Variants in DISP1 observed in about 807,000 individuals in gnomAD.
The protein encoded by DISP1 is dispatched RND transporter family member 1.
DISP1 carries 30 observed loss-of-function variants against 37.3 expected under a neutral mutation model. That is an observed-to-expected ratio of 0.80 (90% confidence interval 0.60 to 1.09). The LOEUF (loss-of-function observed/expected upper bound fraction) is 1.09, where lower values mean the gene tolerates loss of function less well. Among genes scored for constraint, DISP1 ranks in the 50% least tolerant of loss-of-function variants. The pLI, the probability that DISP1 is intolerant of heterozygous loss-of-function variation, is 0.00. For synonymous variants in DISP1, 634 were observed against 690.2 expected, an observed-to-expected ratio of 0.92 and a Z score of 1.28; for missense variants, 1,598 against 1,879.5, an observed-to-expected ratio of 0.85 and a Z score of 2.77.
chr1:222,981,988 A>G (rs1231694709), intron 3 of DISP1, among the ~76,000 whole-genome samples: 4 of 152,218 alleles, frequency 2.6e-5, no homozygotes, highest in African/African-American at 9.6e-5. Flanking sequence ...GATATGTACC[A>G]TATTGGAATC....
At chr1:222,845,736 A>G (rs151330373) in intron 1 of DISP1, among the ~76,000 whole-genome samples, 8 of 152,316 alleles carry the variant, frequency 5.3e-5, no homozygotes, top group Admixed American at 1.3e-4. Flanking sequence ...TCTCAACAAG[A>G]CCATTTAATG....
intron 1 of DISP1, among the ~76,000 whole-genome samples, chr1:222,851,640 T>C (rs1668240627): frequency 6.6e-6 from 1 of 152,238 alleles, no homozygotes. Context: ...CATCACTGTG[T>C]TATGTTGTAA....
At chr1:222,952,105 GT>G (rs575902702) in intron 3 of DISP1, among the ~76,000 whole-genome samples, 11 of 152,010 alleles carry the variant, frequency 7.2e-5, no homozygotes, top group Non-Finnish European at 1.3e-4. Context: ...TATATAAATT[GT>G]TGACTCTCTG....
intron 3 of DISP1, among the ~76,000 whole-genome samples, chr1:222,978,543 T>A (rs1677581846): frequency 6.6e-6 from 1 of 152,246 alleles, no homozygotes; most frequent in South Asian, 2.1e-4. Context: ...GATTTGTCAA[T>A]TTTGGCTTTT....
At chr1:222,840,255 T>G (rs902310430) in intron 1 of DISP1, among the ~76,000 whole-genome samples, 1 of 152,124 alleles carries the variant, frequency 6.6e-6, no homozygotes. Context: ...GGTTTTTTTG[T>G]TTTTTAGACC....
intron 2 of DISP1, among the ~76,000 whole-genome samples, chr1:222,931,701 T>G (rs1264870613): frequency 7.6e-6 from 1 of 131,034 alleles, no homozygotes; most frequent in Non-Finnish European, 1.7e-5. Context: ...TTTTTTTTTT[T>G]CCTGGCATGG....
chr1:222,849,145 G>T (rs972964792), intron 1 of DISP1, among the ~76,000 whole-genome samples: 1 of 152,138 alleles, frequency 6.6e-6, no homozygotes, highest in African/African-American at 2.4e-5. Context: ...GCTTCTTTCA[G>T]TTATTTGACT....
chr1:222,856,526 G>A (rs1344855480), intron 1 of DISP1, among the ~76,000 whole-genome samples: 1 of 152,112 alleles, frequency 6.6e-6, no homozygotes, highest in African/African-American at 2.4e-5. Flanking sequence ...GTGGGAGACA[G>A]GCACATAGTA....
Position 223,003,654 on chromosome 1 carries a change from C to T in DISP1, c.2257C>T (p.Gln753Ter). ...GCCCTCACTGGAGTTATCCGAGTTC[C>T]AGGTGTTCCGGTCGTCCCATCCTTT... ...KLPSLELSEF[Q>*]VFRSSHPFER... Residue 753 changes from glutamine (Q) to a stop codon, truncating the protein, a stop_gained, in exon 9 of 9, where the codon CAG (glutamine) becomes TAG (stop). Transcript: ENST00000675850. LOFTEE classifies it low-confidence loss of function (END_TRUNC). The surrounding 1 kb of genome is among the most constrained non-coding windows in gnomAD (Gnocchi z 4.3). The T allele has an allele frequency of 6.2e-7, 1 of 1,614,112 alleles. No homozygotes were observed. Among genetic ancestry groups the T allele is most frequent in the Non-Finnish European group, 8.5e-7 (1 of 1,180,034 alleles).
intron 3 of DISP1, among the ~76,000 whole-genome samples, chr1:222,957,692 T>A (rs1456590622): frequency 6.6e-6 from 1 of 152,202 alleles, no homozygotes; most frequent in Non-Finnish European, 1.5e-5. Context: ...GGCTAGGCCT[T>A]GGGACTCATC....
intron 2 of DISP1, among the ~76,000 whole-genome samples, chr1:222,930,606 T>C (rs974434273): frequency 3.3e-5 from 5 of 152,116 alleles, no homozygotes; most frequent in Non-Finnish European, 7.4e-5. Flanking sequence ...AAATGATTGC[T>C]AAATAAGGAC....
chr1:222,832,125 C>A (rs922368802), intron 1 of DISP1, among the ~76,000 whole-genome samples: 1 of 151,322 alleles, frequency 6.6e-6, no homozygotes, highest in South Asian at 2.1e-4. Context: ...ACTAAAAATT[C>A]AAAAAAAATG....
At chr1:222,959,713 AAAAG>A (rs1469923674) in intron 3 of DISP1, among the ~76,000 whole-genome samples, 7 of 150,460 alleles carry the variant, frequency 4.7e-5, no homozygotes, top group African/African-American at 1.5e-4. Context: ...AAAAAAAAAA[AAAAG>A]AAAGAAAAGA....
chr1:222,942,844 CAA>C lies in DISP1; in HGVS notation c.22_23del (p.Asn8Ter). On this transcript the variant is annotated frameshift_variant, in exon 3 of 9. Coordinates refer to ENST00000675850, the MANE Select transcript of DISP1 (RefSeq NM_001377229.1). LOFTEE classifies it high-confidence loss of function. MAMSNGNNDFVVLSNSSI... is the reference protein window; with the variant it reads MAMSNGNXDFVVLSNSSI... ...GGAGCATGGCTATGAGCAATGGAAA[CAA>C]TGATTTTGTGGTTCTGAGCAACAGC... 1 of 1,614,134 alleles carries C rather than the reference CAA, an allele frequency of 6.2e-7. No individual in the cohort carries two copies. Among genetic ancestry groups the C allele is most frequent in the Non-Finnish European group, 8.5e-7 (1 of 1,180,016 alleles).
chr1:222,910,378 C>T (rs1006364761), intron 1 of DISP1, among the ~76,000 whole-genome samples: 9 of 151,776 alleles, frequency 5.9e-5, no homozygotes, highest in South Asian at 2.1e-4. Context: ...AACAAACAAA[C>T]GAAAAGGGAT....
At chr1:222,912,242 T>G (rs2125424227) in intron 1 of DISP1, among the ~76,000 whole-genome samples, 1 of 152,362 alleles carries the variant, frequency 6.6e-6, no homozygotes, top group African/African-American at 2.4e-5. Context: ...GGCTTAATCA[T>G]ATCTTCATAT....
chr1:222,978,450 A>T (rs1207741594), intron 3 of DISP1, among the ~76,000 whole-genome samples: 1 of 151,978 alleles, frequency 6.6e-6, no homozygotes, highest in East Asian at 1.9e-4. Context: ...GATTGCAAAA[A>T]TTTTCTCCAT....
chr1:222,842,259 A>G (rs1221242331), intron 1 of DISP1, among the ~76,000 whole-genome samples: 1 of 151,996 alleles, frequency 6.6e-6, no homozygotes, highest in East Asian at 1.9e-4. Context: ...TAGCCTAATT[A>G]AAAATGGGAT....
chr1:222,947,375 T>C (rs977352473), intron 3 of DISP1, among the ~76,000 whole-genome samples: 1 of 152,114 alleles, frequency 6.6e-6, no homozygotes, highest in African/African-American at 2.4e-5. Flanking sequence ...TAATATTCCA[T>C]TGTATATTTA....
Sources: allele counts gnomAD v4.1 joint callset (sites outside exome capture counted in the v4.1 genomes callset), GRCh38; gene constraint gnomAD v4.1.1; non-coding constraint Gnocchi (gnomAD v3.1); transcripts MANE v1.5; gene names NCBI Gene and HGNC (gene_info 2026-07-23, HGNC 2026-07-21).